FRMPD4: variants seen among roughly 807,000 people sequenced by gnomAD.
FRMPD4 encodes the protein FERM and PDZ domain containing 4.
In FRMPD4, 22 loss-of-function variants were observed where a neutral mutation model predicts 94.1. The observed-to-expected ratio is 0.23, with a 90% CI of 0.17 to 0.33. The LOEUF is 0.33. Ranked by LOEUF, FRMPD4 falls within the 10% of genes least tolerant of loss-of-function variation. The probability of loss-of-function intolerance (pLI) is 1.00; values close to 1 mark genes in which losing one functional copy is unlikely to be tolerated. For missense variants in FRMPD4, 1,111 were observed against 1,339.9 expected, an observed-to-expected ratio of 0.83 and a Z score of 2.67; for synonymous variants, 631 against 548.6, an observed-to-expected ratio of 1.15 and a Z score of -2.10.
At chrX:12,046,989 T>C (rs1011652857) in intron 3 of FRMPD4, among the ~76,000 whole-genome samples, 2 of 111,001 alleles carry the variant, frequency 1.8e-5, no homozygotes, top group Non-Finnish European at 1.9e-5. Flanking sequence ...ACTTTGGATA[T>C]CCCAAAGGTT....
chrX:11,942,520 G>C (rs1052330653), intron 3 of FRMPD4, among the ~76,000 whole-genome samples: 10 of 111,662 alleles, frequency 9.0e-5, no homozygotes, highest in African/African-American at 3.3e-4. Context: ...GTAACCTCCT[G>C]CCTCATGAAA....
intron 4 of FRMPD4, among the ~76,000 whole-genome samples, chrX:12,653,987 A>G (rs971536395): frequency 4.5e-5 from 5 of 111,885 alleles, no homozygotes; most frequent in African/African-American, 6.5e-5. Flanking sequence ...GGCTGGTCTC[A>G]AACTCCTCAG....
intron 1 of FRMPD4, among the ~76,000 whole-genome samples, chrX:12,140,050 T>C (rs989417028): frequency 8.9e-6 from 1 of 112,603 alleles, no homozygotes; most frequent in Admixed American, 9.4e-5. Flanking sequence ...CAGCTTCCAA[T>C]AGTCAGAGGT....
intron 1 of FRMPD4, among the ~76,000 whole-genome samples, chrX:12,427,619 GTTTTAC>G (rs1224419874): frequency 5.4e-5 from 6 of 111,585 alleles, no homozygotes; most frequent in Non-Finnish European, 1.1e-4. Flanking sequence ...ATTTAATTTT[GTTTTAC>G]TTTTAATCAA....
At chrX:11,889,637 A>C (rs1601823947) in intron 3 of FRMPD4, among the ~76,000 whole-genome samples, 1 of 112,514 alleles carries the variant, frequency 8.9e-6, no homozygotes, top group Admixed American at 9.4e-5. Context: ...GGCTTAAAAC[A>C]ACAAAAATTT....
At chrX:12,074,044 T>C (rs1028656727) in intron 3 of FRMPD4, among the ~76,000 whole-genome samples, 10 of 112,263 alleles carry the variant, frequency 8.9e-5, no homozygotes, top group African/African-American at 3.2e-4. Context: ...ATTTTCTTAC[T>C]AATTTGTAGG....
chrX:12,337,653 G>A (rs186443054), intron 1 of FRMPD4, among the ~76,000 whole-genome samples: 1 of 112,093 alleles, frequency 8.9e-6, no homozygotes, highest in African/African-American at 3.2e-5. Context: ...CACTTAGGAT[G>A]GGTTGTGAGG....
At chrX:12,498,508 T>C (rs1165385610) in intron 1 of FRMPD4, 172 bp from the exon 2 acceptor site, 4 of 499,073 alleles carry the variant, frequency 8.0e-6, no homozygotes, top group African/African-American at 4.7e-5. Context: ...TGCTGCTGAA[T>C]TGAAGTTGTA....
intron 1 of FRMPD4, among the ~76,000 whole-genome samples, chrX:12,285,821 G>A (rs1004929423): frequency 5.3e-5 from 6 of 112,242 alleles, no homozygotes; most frequent in Admixed American, 2.8e-4. Flanking sequence ...AGGATTAAAT[G>A]TACATCGGTT....
At chrX:11,831,176 G>A (rs1311122676) in intron 1 of FRMPD4, among the ~76,000 whole-genome samples, 1 of 109,606 alleles carries the variant, frequency 9.1e-6, no homozygotes, top group African/African-American at 3.3e-5. Flanking sequence ...TCAATAAATT[G>A]TTCTTCATTA....
Position 12,672,528 on chromosome X carries a change from C to CT in FRMPD4, c.423-2327dup, listed in dbSNP as rs757644716. On this transcript the variant is annotated intron_variant, in intron 4 of 16. Coordinates refer to ENST00000675598, the MANE Select transcript of FRMPD4 (RefSeq NM_001368397.1). ...GCTTCTGACAGCCTCTTCCTGCTGC[C>CT]TTTTTTTTCAGTTTGTAATGAAGAT... Among the ~76,000 whole-genome samples the CT allele has an allele frequency of 7.2e-5, 8 of 111,682 alleles. No individual in the cohort carries two copies. In the East Asian group the frequency reaches 1.7e-3, roughly 24 times the overall value.
chrX:11,968,008 T>C (rs1448889892), intron 3 of FRMPD4, among the ~76,000 whole-genome samples: 1 of 110,563 alleles, frequency 9.0e-6, no homozygotes, highest in Non-Finnish European at 1.9e-5. Context: ...CATTTTCCTG[T>C]GATCAGCTGG....
In FRMPD4 at chrX:12,332,207, TAGAGAG is replaced by T. The variant is rs531737337; in HGVS notation, c.42-166441_42-166436del. 7.3e-3 allele frequency among the ~76,000 whole-genome samples: 433 copies of T among 59,534 alleles called. 20 individuals carry two copies. The highest frequency in any genetic ancestry group is 8.4e-3 in the Non-Finnish European group (288 of 34,171). 51.7% of individuals were successfully genotyped at this position (59,534 alleles called of 115,157 possible). Reference sequence around the variant, plus strand: ...TTTATATTTTATATATATATATATATAGAGAGAGAGAGAGAGAGAGAGAGAGAGAGA... The same window carrying T: ...TTTATATTTTATATATATATATATATAGAGAGAGAGAGAGAGAGAGAGAGA... On this transcript the variant is annotated intron_variant, in intron 1 of 16. Transcript: ENST00000675598.
intron 1 of FRMPD4, among the ~76,000 whole-genome samples, chrX:12,305,725 G>GTTTTTTTTTGTTTTTTTTTTTTTTT (rs563804861): frequency 3.3e-5 from 2 of 59,721 alleles, no homozygotes; most frequent in African/African-American, 7.6e-5. Context: ...AGCTGGCTAA[G>GTTTTTTTTTGTTTTTTTTTTTTTTT]TTTTTTTTTT....
chrX:11,879,649 CTATAT>C (rs2053802974), intron 3 of FRMPD4, among the ~76,000 whole-genome samples: 1 of 110,859 alleles, frequency 9.0e-6, no homozygotes, highest in Admixed American at 9.6e-5. Context: ...ATCCAGGTTA[CTATAT>C]TATTTTATAT....
At chrX:12,538,215 G>A (rs997281900) in intron 2 of FRMPD4, among the ~76,000 whole-genome samples, 14 of 111,291 alleles carry the variant, frequency 1.3e-4, no homozygotes, top group African/African-American at 4.2e-4. Flanking sequence ...CCATGCCCAC[G>A]GAGCTTCACT....
At chrX:12,508,970 C>T (rs147450159) in intron 2 of FRMPD4, among the ~76,000 whole-genome samples, 4,808 of 78,000 alleles carry the variant, frequency 0.062, 142 homozygotes, top group Middle Eastern at 0.18. Flanking sequence ...TCAGCCTGGG[C>T]GACAGAGTAA....
At chrX:12,664,367 G>A (rs1411456005) in intron 4 of FRMPD4, among the ~76,000 whole-genome samples, 1 of 111,996 alleles carries the variant, frequency 8.9e-6, no homozygotes, top group African/African-American at 3.2e-5. Flanking sequence ...ATTATTTTGA[G>A]ATACATTCCA....
At chrX:12,482,465 C>T (rs1482975837) in intron 1 of FRMPD4, among the ~76,000 whole-genome samples, 1 of 111,439 alleles carries the variant, frequency 9.0e-6, no homozygotes, top group East Asian at 2.8e-4. Context: ...TACTGTGCCT[C>T]AGATATGGAT....
Sources: allele counts gnomAD v4.1 joint callset (sites outside exome capture counted in the v4.1 genomes callset), GRCh38; gene constraint gnomAD v4.1.1; transcripts MANE v1.5; gene names NCBI Gene and HGNC (gene_info 2026-07-23, HGNC 2026-07-21).